Variants in OVCH1 observed in about 807,000 individuals in gnomAD.
OVCH1 encodes the protein ovochymase-1.
A neutral mutation model predicts 138.4 loss-of-function variants in OVCH1; 139 were observed. The ratio of observed to expected loss-of-function variants is 1.00; its 90% CI spans 0.87 to 1.16. The LOEUF is 1.16. Among genes scored for constraint, OVCH1 ranks in the 50% most tolerant of loss-of-function variants. The probability of loss-of-function intolerance (pLI) is 0.00; values close to 1 mark genes in which losing one functional copy is unlikely to be tolerated. For missense variants in OVCH1, 1,367 were observed against 1,357.9 expected (o/e 1.01, Z -0.11); for synonymous variants, 453 against 467.8 (o/e 0.97, Z 0.41).
chr12:29,428,217 G>C (rs2135895810), intron 27 of OVCH1, among the ~76,000 whole-genome samples: 1 of 152,264 alleles, frequency 6.6e-6, no homozygotes, highest in East Asian at 1.9e-4. Context: ...TGCTTTACCA[G>C]TTACAGTTTT....
At chr12:29,446,677 A>T (rs1371059203) in intron 22 of OVCH1, among the ~76,000 whole-genome samples, 1 of 152,126 alleles carries the variant, frequency 6.6e-6, no homozygotes, top group Non-Finnish European at 1.5e-5. Flanking sequence ...TTCCCCAGAA[A>T]ATGTGTCTCT....
At chr12:29,410,716 C>T (rs568015300), downstream of OVCH1, among the ~76,000 whole-genome samples, 31 of 151,860 alleles carry the variant, frequency 2.0e-4, 1 homozygote, top group South Asian at 6.3e-3. Flanking sequence ...GTGGGTAACC[C>T]GACCTTTCTC....
At chr12:29,425,631 T>A (rs1941168356), downstream of OVCH1, among the ~76,000 whole-genome samples, 1 of 152,228 alleles carries the variant, frequency 6.6e-6, no homozygotes, top group Admixed American at 6.5e-5. Flanking sequence ...ATTTAACAGT[T>A]TTGTGACTTG....
intron 8 of OVCH1, among the ~76,000 whole-genome samples, chr12:29,483,115 G>T (rs1488781071): frequency 6.6e-6 from 1 of 151,938 alleles, no homozygotes; most frequent in Non-Finnish European, 1.5e-5. Context: ...GTCTTCTTTG[G>T]ATCAAAAAAT....
At chr12:29,475,935 T>A (rs925808297) in intron 13 of OVCH1, among the ~76,000 whole-genome samples, 40 of 152,314 alleles carry the variant, frequency 2.6e-4, no homozygotes, top group African/African-American at 9.4e-4. Context: ...AAATTTACCT[T>A]AAATAATTGC....
At chr12:29,455,439 GC>G in intron 19 of OVCH1, 34 bp from the exon 20 acceptor site, 1 of 1,564,262 alleles carries the variant, frequency 6.4e-7, no homozygotes, top group Non-Finnish European at 8.7e-7. Context: ...TTAGAAAACT[GC>G]TTTAATCTGA....
At chr12:29,419,653 C>T (rs1941077106) in intron 3 of OVCH1, among the ~76,000 whole-genome samples, 3 of 151,868 alleles carry the variant, frequency 2.0e-5, no homozygotes, top group African/African-American at 4.8e-5. Flanking sequence ...TGCATTATTA[C>T]AATTATAATA....
intron 16 of OVCH1, among the ~76,000 whole-genome samples, chr12:29,466,135 A>T (rs1291902600): frequency 6.6e-6 from 1 of 151,428 alleles, no homozygotes; most frequent in Non-Finnish European, 1.5e-5. Context: ...ATTAGGAGAT[A>T]TACCTAATGT....
intron 22 of OVCH1, among the ~76,000 whole-genome samples, chr12:29,448,444 A>G (rs1941678974): frequency 6.6e-6 from 1 of 151,936 alleles, no homozygotes; most frequent in South Asian, 2.1e-4. Flanking sequence ...TAAGAAGGTG[A>G]CATTCCATCA....
chr12:29,469,580 T>C (rs1942431425), intron 16 of OVCH1, among the ~76,000 whole-genome samples: 1 of 151,918 alleles, frequency 6.6e-6, no homozygotes, highest in African/African-American at 2.4e-5. Flanking sequence ...AGGGAAATGA[T>C]CAAGAAGGGG....
At chr12:29,467,663 A>G (rs1054215066) in intron 16 of OVCH1, among the ~76,000 whole-genome samples, 7 of 152,210 alleles carry the variant, frequency 4.6e-5, no homozygotes, top group Admixed American at 1.3e-4. Flanking sequence ...ATTCACATAT[A>G]TAATTGCAAA....
chr12:29,426,577 C>T (rs1382121604), downstream of OVCH1, among the ~76,000 whole-genome samples: 1 of 152,162 alleles, frequency 6.6e-6, no homozygotes, highest in Non-Finnish European at 1.5e-5. Context: ...ACAGATATCT[C>T]TCTATAAATC....
intron 22 of OVCH1, among the ~76,000 whole-genome samples, chr12:29,449,276 TAC>T (rs10651165): frequency 0.35 from 47,276 of 136,990 alleles, 8,145 homozygotes; most frequent in Admixed American, 0.47. Flanking sequence ...CCCCCCTCCC[TAC>T]ACACACACAC....
intron 26 of OVCH1, among the ~76,000 whole-genome samples, chr12:29,434,467 A>G (rs538902083): frequency 1.3e-5 from 2 of 152,268 alleles, no homozygotes; most frequent in South Asian, 4.1e-4. Flanking sequence ...CAATCTATTA[A>G]TTTACTTATT....
rs1212502703 is a variant in OVCH1, at chr12:29,471,278, C to T, written c.1856+524G>A. Among the ~76,000 whole-genome samples the T allele has an allele frequency of 3.3e-5, 5 of 152,006 alleles. No homozygotes were observed. The East Asian group carries it at 9.7e-4, about 29-fold the overall frequency. ...AATTTAAGAACATTTAAAACTTAACCAAAATTTTATTTCCCCAGTAGTGCA... is the reference window on the plus strand; with the variant it reads ...AATTTAAGAACATTTAAAACTTAACTAAAATTTTATTTCCCCAGTAGTGCA... On this transcript the variant is annotated intron_variant, in intron 16 of 27. Transcript: ENST00000318184.
intron 2 of OVCH1, 120 bp downstream of exon 2, chr12:29,496,436 G>T: frequency 5.3e-6 from 6 of 1,126,498 alleles, no homozygotes; most frequent in Non-Finnish European, 7.6e-6. Context: ...TAAACTTTTT[G>T]GTAGAGAGCT....
chr12:29,471,470 T>C (rs1356525010), intron 16 of OVCH1, among the ~76,000 whole-genome samples: 1 of 152,082 alleles, frequency 6.6e-6, no homozygotes, highest in Non-Finnish European at 1.5e-5. Flanking sequence ...AAGATTAAAC[T>C]AAAGGGGAAC....
intron 14 of OVCH1, among the ~76,000 whole-genome samples, chr12:29,473,686 T>C (rs1047459856): frequency 6.6e-6 from 1 of 152,082 alleles, no homozygotes; most frequent in Admixed American, 6.6e-5. Context: ...GAAAATCATA[T>C]TTGTGATGGT....
intron 8 of OVCH1, among the ~76,000 whole-genome samples, chr12:29,481,464 TAACTA>T (rs1942931395): frequency 6.6e-6 from 1 of 152,190 alleles, no homozygotes; most frequent in African/African-American, 2.4e-5. Context: ...ATTTATATCT[TAACTA>T]TTTTATCTCT....
Sources: gnomAD v4.1 joint callset for allele counts (sites outside exome capture counted in the v4.1 genomes callset) on GRCh38, gnomAD v4.1.1 for gene constraint, MANE v1.5 for transcripts, NCBI Gene and HGNC (gene_info 2026-07-23, HGNC 2026-07-21) for gene names.